CCND3: variants seen among roughly 807,000 people sequenced by gnomAD.
CCND3 encodes G1/S-specific cyclin-D3.
Under a neutral mutation model 28.7 loss-of-function variants are expected in CCND3, and 9 were observed. The observed-to-expected ratio is 0.31, with a 90% CI of 0.19 to 0.55. The LOEUF (loss-of-function observed/expected upper bound fraction) is 0.55, where lower values mean the gene tolerates loss of function less well. CCND3 is among the 20% of genes least tolerant of loss of function. CCND3 has a pLI of 0.93. For missense variants in CCND3, 315 were observed against 385.8 expected (o/e 0.82, Z 1.54); for synonymous variants, 164 against 163.9 (o/e 1.00, Z 0.00).
intron 1 of CCND3, among the ~76,000 whole-genome samples, chr6:42,036,403 A>ATATATATATTTTT (rs57619585): frequency 1.6e-4 from 5 of 31,318 alleles, no homozygotes; most frequent in African/African-American, 7.2e-4. Flanking sequence ...ATATATATAT[A>ATATATATATTTTT]TTTTTTTTTT....
At chr6:42,045,995 T>C (rs2127442977) in intron 1 of CCND3, among the ~76,000 whole-genome samples, 1 of 152,258 alleles carries the variant, frequency 6.6e-6, no homozygotes, top group East Asian at 1.9e-4. Flanking sequence ...TGGAGGTTTA[T>C]AGTTCTTAAG....
At chr6:42,021,858 T>C (rs1287190887) in intron 1 of CCND3, among the ~76,000 whole-genome samples, 1 of 152,158 alleles carries the variant, frequency 6.6e-6, no homozygotes, top group African/African-American at 2.4e-5. Flanking sequence ...GAAGGTGAAT[T>C]TGATTTTGCA....
chr6:42,011,505 A>G (rs1331458367), intron 1 of CCND3, among the ~76,000 whole-genome samples: 2 of 152,118 alleles, frequency 1.3e-5, no homozygotes, highest in African/African-American at 4.8e-5. Context: ...GGGGTCCGGG[A>G]TTATGTATTT....
At chr6:41,998,073 G>C (rs1056778607) in intron 1 of CCND3, among the ~76,000 whole-genome samples, 1 of 151,714 alleles carries the variant, frequency 6.6e-6, no homozygotes, top group Admixed American at 6.6e-5. Flanking sequence ...CAGATCACTT[G>C]AGGTCAGGAG....
chr6:42,030,666 C>T (rs1201924851), intron 1 of CCND3, among the ~76,000 whole-genome samples: 3 of 152,194 alleles, frequency 2.0e-5, no homozygotes, highest in African/African-American at 7.2e-5. Context: ...CTCTTGTGTT[C>T]CCAGGCCTTC....
chr6:42,046,131 G>A (rs1182326441), intron 1 of CCND3, among the ~76,000 whole-genome samples: 1 of 152,204 alleles, frequency 6.6e-6, no homozygotes, highest in Admixed American at 6.5e-5. Flanking sequence ...TGCACGAAGT[G>A]CTTTGACTGC....
intron 1 of CCND3, among the ~76,000 whole-genome samples, chr6:41,984,686 C>T (rs1440570137): frequency 6.6e-6 from 1 of 152,166 alleles, no homozygotes; most frequent in Non-Finnish European, 1.5e-5. Flanking sequence ...AATCACCATA[C>T]TTTCCTTTAT....
intron 1 of CCND3, among the ~76,000 whole-genome samples, chr6:42,027,948 C>T (rs976820329): frequency 6.6e-6 from 1 of 152,174 alleles, no homozygotes; most frequent in Non-Finnish European, 1.5e-5. Context: ...GGTTTTTCCA[C>T]GTTGGTCAGG....
intron 1 of CCND3, among the ~76,000 whole-genome samples, chr6:41,982,461 C>T (rs1392431258): frequency 6.6e-6 from 1 of 152,084 alleles, no homozygotes; most frequent in Non-Finnish European, 1.5e-5. Context: ...AAGCAGAACT[C>T]AATCAATAGA....
At chr6:42,046,627 C>T (rs891619340) in intron 1 of CCND3, among the ~76,000 whole-genome samples, 8 of 152,180 alleles carry the variant, frequency 5.3e-5, no homozygotes, top group African/African-American at 9.7e-5. Context: ...AACATTCATA[C>T]GTTTGTGTGC....
intron 1 of CCND3, among the ~76,000 whole-genome samples, chr6:42,006,793 AG>A: frequency 6.6e-6 from 1 of 152,074 alleles, no homozygotes; most frequent in Admixed American, 6.6e-5. Context: ...CTGTAGTCCC[AG>A]CTACTCGGGA....
chr6:42,023,004 C>T (rs2127433753), intron 1 of CCND3, among the ~76,000 whole-genome samples: 1 of 152,354 alleles, frequency 6.6e-6, no homozygotes, highest in South Asian at 2.1e-4. Flanking sequence ...CCCCATTATT[C>T]ATGGAGTCTG....
chr6:41,946,545 G>A (rs548729752), upstream of CCND3, among the ~76,000 whole-genome samples: 45 of 126,084 alleles, frequency 3.6e-4, 1 homozygote, highest in South Asian at 0.011. Flanking sequence ...AGATTGCAGT[G>A]AGCCCAGATC....
chr6:41,979,471 T>C (rs541357834), intron 1 of CCND3, among the ~76,000 whole-genome samples: 208 of 150,276 alleles, frequency 1.4e-3, no homozygotes, highest in African/African-American at 4.8e-3. Flanking sequence ...GAGGTGGAGC[T>C]TGCAGTGAGC....
chr6:42,036,407 T>A (rs868495677), intron 1 of CCND3, among the ~76,000 whole-genome samples: 109 of 87,040 alleles, frequency 1.3e-3, no homozygotes, highest in African/African-American at 2.2e-3. Flanking sequence ...ATATATATTT[T>A]TTTTTTTTTT....
At position 41,939,809 on chromosome 6, in the gene CCND3, G is replaced by T. The variant is rs1234115398; in HGVS notation, c.414+561C>A. Among the ~76,000 whole-genome samples the T allele has an allele frequency of 6.6e-6, 1 of 152,180 alleles. No individual in the cohort carries two copies. Among genetic ancestry groups the T allele is most frequent in the Non-Finnish European group, 1.5e-5 (1 of 68,026 alleles). ...GATTAGGAAGAAGCTGTTTCTTCCG[G>T]GATATAAGAGGAAGCAAAGAAGGTG... On this transcript the variant is annotated intron_variant, in intron 2 of 4. Transcript: ENST00000372991. This position sits in a 1 kb window ranked among gnomAD's most constrained non-coding sequence, Gnocchi z 4.2.
chr6:41,965,881 T>C (rs1166394800), intron 1 of CCND3, among the ~76,000 whole-genome samples: 1 of 152,194 alleles, frequency 6.6e-6, no homozygotes, highest in African/African-American at 2.4e-5. Context: ...GTCTGACCCA[T>C]TATGTACAGA....
At chr6:41,993,282 G>A (rs758259970) in intron 1 of CCND3, among the ~76,000 whole-genome samples, 3 of 152,104 alleles carry the variant, frequency 2.0e-5, no homozygotes, top group Non-Finnish European at 4.4e-5. Flanking sequence ...AACCGTCTAT[G>A]AGATCCCTTT....
chr6:42,005,014 T>C (rs1417671547), intron 1 of CCND3, among the ~76,000 whole-genome samples: 1 of 152,194 alleles, frequency 6.6e-6, no homozygotes, highest in Non-Finnish European at 1.5e-5. Context: ...TTGACTTTCA[T>C]AGGTATTAAA....
Sources: gnomAD v4.1 joint callset for allele counts (sites outside exome capture counted in the v4.1 genomes callset) on GRCh38, gnomAD v4.1.1 for gene constraint, Gnocchi (gnomAD v3.1) non-coding constraint, MANE v1.5 for transcripts, NCBI Gene and HGNC (gene_info 2026-07-23, HGNC 2026-07-21) for gene names.